Variants in PLCB1 observed in about 807,000 individuals in gnomAD.
PLCB1 encodes the protein 1-phosphatidylinositol 4,5-bisphosphate phosphodiesterase beta-1.
PLCB1 carries 46 observed loss-of-function variants against 161.8 expected under a neutral mutation model. That is an observed-to-expected ratio of 0.28 (90% confidence interval 0.22 to 0.36). The LOEUF is 0.36. Among genes scored for constraint, PLCB1 ranks in the 10% least tolerant of loss-of-function variants. The pLI, the probability that PLCB1 is intolerant of heterozygous loss-of-function variation, is 1.00. For missense variants in PLCB1, 1,016 were observed against 1,472.5 expected (o/e 0.69, Z 5.07); for synonymous variants, 517 against 503.7 (o/e 1.03, Z -0.35).
At chr20:8,276,618 A>G (rs1982558812) in intron 2 of PLCB1, among the ~76,000 whole-genome samples, 2 of 152,204 alleles carry the variant, frequency 1.3e-5, no homozygotes, top group Non-Finnish European at 1.5e-5. Context: ...TTTAAAGTAC[A>G]AATTCTATTG....
At chr20:8,331,852 A>G (rs2122194228) in intron 2 of PLCB1, among the ~76,000 whole-genome samples, 1 of 152,354 alleles carries the variant, frequency 6.6e-6, no homozygotes, top group East Asian at 1.9e-4. Flanking sequence ...GCTTAATATC[A>G]CTTCACTCTG....
intron 3 of PLCB1, among the ~76,000 whole-genome samples, chr20:8,372,388 C>T (rs533010660): frequency 3.9e-5 from 6 of 152,204 alleles, no homozygotes; most frequent in South Asian, 4.2e-4. Context: ...TCTTCAGAGG[C>T]GTAAAAAGGC....
chr20:8,763,615 G>T (rs894469953), intron 25 of PLCB1, among the ~76,000 whole-genome samples: 1 of 151,960 alleles, frequency 6.6e-6, no homozygotes, highest in Non-Finnish European at 1.5e-5. Context: ...TCGAACTCCT[G>T]ACCTCAGATA....
intron 3 of PLCB1, among the ~76,000 whole-genome samples, chr20:8,616,658 G>A (rs1251396051): frequency 6.6e-6 from 1 of 152,164 alleles, no homozygotes; most frequent in African/African-American, 2.4e-5. Flanking sequence ...TTTACTGGAT[G>A]AATAAAGACC....
intron 1 of PLCB1, among the ~76,000 whole-genome samples, chr20:8,149,225 A>G (rs1301075312): frequency 2.0e-5 from 3 of 152,070 alleles, no homozygotes; most frequent in Non-Finnish European, 4.4e-5. Flanking sequence ...TATCCTAGCT[A>G]TTTCTCACAG....
At position 8,774,705 on chromosome 20, in the gene PLCB1, G is replaced by A; in HGVS notation, c.3097G>A (p.Glu1033Lys). Residue 1033 changes from glutamate (E) to lysine (K), a missense_variant, in exon 27 of 32, where the codon GAA (glutamate) becomes AAA (lysine). Transcript: ENST00000338037. The stretch of plus-strand genomic sequence containing the variant: ...TTATAGTGAAAAATACCAGAAGCGA[G>A]AACATATTAAACTGGTGAGCCTGAG... ...QYYSEKYQKR[E>K]HIKLLIQKLT... The A allele has an allele frequency of 6.2e-7, 1 of 1,601,532 alleles. No homozygotes were observed. Among genetic ancestry groups the A allele is most frequent in the Non-Finnish European group, 8.5e-7 (1 of 1,170,484 alleles).
At chr20:8,169,508 A>C (rs896989150) in intron 2 of PLCB1, among the ~76,000 whole-genome samples, 1 of 152,174 alleles carries the variant, frequency 6.6e-6, no homozygotes, top group African/African-American at 2.4e-5. Flanking sequence ...AATTTTAGTA[A>C]ATTTTAATAT....
chr20:8,881,091 C>T (rs1258334391), intron 31 of PLCB1: 2 of 169,278 alleles, frequency 1.2e-5, no homozygotes, highest in Admixed American at 1.1e-4. Flanking sequence ...GTCTTAAACT[C>T]CTGACCTCAA....
chr20:8,684,078 G>T (rs1990290744), intron 9 of PLCB1, among the ~76,000 whole-genome samples: 1 of 151,546 alleles, frequency 6.6e-6, no homozygotes, highest in African/African-American at 2.4e-5. Flanking sequence ...TAGAGACGAG[G>T]TTTCACCGTG....
intron 10 of PLCB1, among the ~76,000 whole-genome samples, chr20:8,696,624 A>T (rs1315014004): frequency 6.6e-6 from 1 of 152,168 alleles, no homozygotes; most frequent in African/African-American, 2.4e-5. Context: ...CTGCTCCATG[A>T]ACATGAGATG....
chr20:8,750,463 GC>G (rs1031013047), intron 23 of PLCB1, among the ~76,000 whole-genome samples: 4 of 152,110 alleles, frequency 2.6e-5, no homozygotes, highest in African/African-American at 9.7e-5. Context: ...CTATATATCA[GC>G]CACCCGGATT....
intron 3 of PLCB1, among the ~76,000 whole-genome samples, chr20:8,576,649 G>A (rs1364241623): frequency 6.6e-6 from 1 of 152,126 alleles, no homozygotes; most frequent in African/African-American, 2.4e-5. Flanking sequence ...AATATAATTT[G>A]TTACTCATCT....
intron 3 of PLCB1, among the ~76,000 whole-genome samples, chr20:8,389,238 T>C (rs1264834588): frequency 6.6e-6 from 1 of 152,260 alleles, no homozygotes; most frequent in Non-Finnish European, 1.5e-5. Flanking sequence ...AATGCCTACA[T>C]TTTTCAGTAT....
intron 2 of PLCB1, among the ~76,000 whole-genome samples, chr20:8,207,596 T>A (rs1978600519): frequency 6.6e-6 from 1 of 152,112 alleles, no homozygotes; most frequent in Admixed American, 6.6e-5. Flanking sequence ...TTAATTTTTT[T>A]AAGACACGAG....
intron 2 of PLCB1, among the ~76,000 whole-genome samples, chr20:8,206,240 C>T (rs1334401792): frequency 1.3e-5 from 2 of 152,182 alleles, no homozygotes; most frequent in African/African-American, 4.8e-5. Context: ...AACATTCTTT[C>T]AGCATTTCTC....
At chr20:8,713,662 A>G (rs1491002907) in intron 12 of PLCB1, among the ~76,000 whole-genome samples, 1 of 152,192 alleles carries the variant, frequency 6.6e-6, no homozygotes, top group Non-Finnish European at 1.5e-5. Flanking sequence ...AACGTGAATG[A>G]AATAGAAGAG....
chr20:8,734,147 A>AAAAAAAAAAAAAC (rs1980457953), intron 19 of PLCB1, among the ~76,000 whole-genome samples: 1 of 149,428 alleles, frequency 6.7e-6, no homozygotes, highest in African/African-American at 2.4e-5. Flanking sequence ...AAAAAAAAAA[A>AAAAAAAAAAAAAC]AAAAAAAAAA....
intron 3 of PLCB1, among the ~76,000 whole-genome samples, chr20:8,506,970 G>T (rs1983660529): frequency 6.6e-6 from 1 of 152,100 alleles, no homozygotes; most frequent in Admixed American, 6.6e-5. Context: ...TATAACTCTT[G>T]ACTCCCTAAA....
At chr20:8,644,564 G>A (rs552390972) in intron 4 of PLCB1, among the ~76,000 whole-genome samples, 8 of 149,088 alleles carry the variant, frequency 5.4e-5, no homozygotes, top group Middle Eastern at 3.8e-3. Context: ...CCCGGCAGCC[G>A]CCCCGTCTGA....
Sources: gnomAD v4.1 joint callset for allele counts (sites outside exome capture counted in the v4.1 genomes callset) on GRCh38, gnomAD v4.1.1 for gene constraint, MANE v1.5 for transcripts, NCBI Gene and HGNC (gene_info 2026-07-23, HGNC 2026-07-21) for gene names.